The following ZNF684 variants were observed in gnomAD, a reference collection of about 807,000 sequenced individuals.
The protein encoded by ZNF684 is hypothetical protein MGC27466.
A neutral mutation model predicts 12.8 loss-of-function variants in ZNF684; 13 were observed. The ratio of observed to expected loss-of-function variants is 1.02; its 90% CI spans 0.66 to 1.62. ZNF684 has a LOEUF of 1.62. Among genes scored for constraint, ZNF684 ranks in the 40% most tolerant of loss-of-function variants. ZNF684 has a pLI of 0.00. For missense variants in ZNF684, 384 were observed against 446.9 expected, an observed-to-expected ratio of 0.86 and a Z score of 1.27; for synonymous variants, 118 against 151.8, an observed-to-expected ratio of 0.78 and a Z score of 1.64.
chr1:40,534,880 C>T (rs1430155977), intron 2 of ZNF684, among the ~76,000 whole-genome samples: 1 of 151,986 alleles, frequency 6.6e-6, no homozygotes, highest in Non-Finnish European at 1.5e-5. Flanking sequence ...GTAGTTCCAG[C>T]TACTAGGTAG....
intron 4 of ZNF684, among the ~76,000 whole-genome samples, chr1:40,545,849 C>T (rs1466241342): frequency 6.6e-6 from 1 of 151,786 alleles, no homozygotes; most frequent in East Asian, 1.9e-4. Context: ...TGCCTGTTAC[C>T]ACCTCCTCCA....
chr1:40,540,805 C>T (rs1375052917), intron 3 of ZNF684, 93 bp downstream of exon 3: 17 of 1,262,982 alleles, frequency 1.3e-5, no homozygotes, highest in South Asian at 6.7e-5. Context: ...CAATTGTGGT[C>T]GCTCATGCTT....
intron 2 of ZNF684, among the ~76,000 whole-genome samples, chr1:40,540,288 A>G (rs72935461): frequency 0.21 from 31,474 of 152,088 alleles, 3,407 homozygotes; most frequent in Middle Eastern, 0.35. Flanking sequence ...TATATGATGT[A>G]AAATGGATGG....
chr1:40,546,111 C>A (rs1391409283), intron 4 of ZNF684, among the ~76,000 whole-genome samples: 1 of 151,864 alleles, frequency 6.6e-6, no homozygotes, highest in Non-Finnish European at 1.5e-5. Flanking sequence ...TTAGTAGAGA[C>A]CAGGTTTCAC....
intron 4 of ZNF684, among the ~76,000 whole-genome samples, chr1:40,541,985 T>C (rs562160964): frequency 6.6e-6 from 1 of 152,328 alleles, no homozygotes; most frequent in South Asian, 2.1e-4. Flanking sequence ...GCTTTGTTTA[T>C]GTTCTCTTAA....
At chr1:40,535,954 G>T (rs72935448) in intron 2 of ZNF684, among the ~76,000 whole-genome samples, 3,736 of 152,288 alleles carry the variant, frequency 0.025, 152 homozygotes, top group African/African-American at 0.086. Context: ...ACAAAAACAG[G>T]AGGCCAGTCC....
chr1:40,533,081 C>A, intron 1 of ZNF684, 62 bp from the exon 2 acceptor site: 1 of 1,424,866 alleles, frequency 7.0e-7, no homozygotes, highest in Non-Finnish European at 9.9e-7. Flanking sequence ...CAGGGTTCTA[C>A]TTTGCATGCA....
intron 2 of ZNF684, 131 bp downstream of exon 2, chr1:40,533,312 TA>T: frequency 2.2e-6 from 2 of 907,918 alleles, no homozygotes. Flanking sequence ...AGAAGATTGG[TA>T]AGTTGATATT....
At chr1:40,533,094 C>T in intron 1 of ZNF684, 49 bp from the exon 2 acceptor site, 1 of 1,518,354 alleles carries the variant, frequency 6.6e-7, no homozygotes, top group South Asian at 1.1e-5. Flanking sequence ...TGCATGCAGT[C>T]CTGGTATCTC....
chr1:40,540,603 G>A lies in ZNF684; in HGVS notation c.33G>A (p.Gln11=). The change falls in exon 3 of 5, where the codon CAG becomes CAA. Residue 11 remains glutamine (Q), a synonymous_variant. Coordinates refer to ENST00000372699, the MANE Select transcript of ZNF684 (RefSeq NM_152373.4). MISFQESVTF[Q]DVAVDFTAEE... The stretch of plus-strand genomic sequence containing the variant: ...TGTTACAGGAATCAGTGACATTCCA[G>A]GATGTGGCTGTGGATTTCACTGCAG... 2 of 1,605,604 alleles carry A rather than the reference G, an allele frequency of 1.2e-6. No individual in the cohort carries two copies. The highest frequency in any genetic ancestry group is 1.7e-6 in the Non-Finnish European group (2 of 1,175,868).
chr1:40,539,501 T>A (rs1435449236), intron 2 of ZNF684, among the ~76,000 whole-genome samples: 2 of 151,804 alleles, frequency 1.3e-5, no homozygotes, highest in African/African-American at 4.8e-5. Context: ...AGACCCTATA[T>A]CAAATAAAAG....
rs771777055 is a variant in ZNF684, at chr1:40,547,141, G to A, written c.818G>A (p.Cys273Tyr). 2 of 1,614,162 alleles carry A rather than the reference G, an allele frequency of 1.2e-6. No individual in the cohort carries two copies. Among genetic ancestry groups the A allele is most frequent in the Non-Finnish European group, 1.7e-6 (2 of 1,180,012 alleles). Residue 273 changes from cysteine (C) to tyrosine (Y), a missense_variant, in exon 5 of 5, where the codon TGT becomes TAT. Cys to Tyr is a radical substitution (Grantham distance 194, BLOSUM62 -2). Transcript: ENST00000372699. ...CATACACTTGAGAAGTCATTTGAAT[G>A]TAAGGAATGTGGGAAAACCTTCAGG... ...KSHTLEKSFE[C>Y]KECGKTFRYS...
intron 4 of ZNF684, among the ~76,000 whole-genome samples, chr1:40,542,705 A>G (rs1646023180): frequency 6.6e-6 from 1 of 151,940 alleles, no homozygotes; most frequent in South Asian, 2.1e-4. Flanking sequence ...TTCAATTGTC[A>G]CCCTTAGCTT....
At chr1:40,536,922 A>T (rs980186719) in intron 2 of ZNF684, among the ~76,000 whole-genome samples, 4 of 151,202 alleles carry the variant, frequency 2.6e-5, no homozygotes, top group Admixed American at 2.6e-4. Flanking sequence ...ATTGTTGGAC[A>T]TTTGGGTTGG....
intron 2 of ZNF684, among the ~76,000 whole-genome samples, chr1:40,536,782 C>T (rs900934703): frequency 4.7e-5 from 7 of 149,552 alleles, no homozygotes; most frequent in East Asian, 2.0e-4. Flanking sequence ...TTTGTTCTTG[C>T]GATAGTTTAC....
At chr1:40,541,788 T>C in intron 4 of ZNF684, 78 bp downstream of exon 4, 1 of 1,217,528 alleles carries the variant, frequency 8.2e-7, no homozygotes, top group South Asian at 1.3e-5. Context: ...AGTTCTGAAA[T>C]ACTCTTAGAA....
At chr1:40,535,384 C>T (rs1645978496) in intron 2 of ZNF684, among the ~76,000 whole-genome samples, 1 of 152,008 alleles carries the variant, frequency 6.6e-6, no homozygotes, top group African/African-American at 2.4e-5. Flanking sequence ...TTTTTTTTAT[C>T]TGCATTTGGT....
Position 40,547,117 on chromosome 1 carries a change from A to T in ZNF684, c.794A>T (p.His265Leu). 6.2e-7 allele frequency: 1 copy of T among 1,611,174 alleles called. No homozygotes were observed. ...TCATTTAATCAACACGTGAAATCTC[A>T]TACACTTGAGAAGTCATTTGAATGT... The part of the protein sequence containing the change: ...NSSFNQHVKS[H>L]TLEKSFECKE... Residue 265 changes from histidine (H) to leucine (L), a missense_variant, in exon 5 of 5, where the codon CAT (histidine) becomes CTT (leucine). His to Leu is a moderately conservative substitution (Grantham distance 99, BLOSUM62 -3). Coordinates refer to ENST00000372699, the MANE Select transcript of ZNF684 (RefSeq NM_152373.4).
intron 2 of ZNF684, among the ~76,000 whole-genome samples, chr1:40,534,114 A>G (rs1429267327): frequency 6.6e-6 from 1 of 151,910 alleles, no homozygotes; most frequent in Non-Finnish European, 1.5e-5. Context: ...GTTGTGAACC[A>G]CTGCGCCCGG....
Sources: gnomAD v4.1 joint callset for allele counts (sites outside exome capture counted in the v4.1 genomes callset) on GRCh38, gnomAD v4.1.1 for gene constraint, MANE v1.5 for transcripts, NCBI Gene and HGNC (gene_info 2026-07-23, HGNC 2026-07-21) for gene names.